The following PFKL variants were observed in gnomAD, a reference collection of about 807,000 sequenced individuals.
PFKL encodes the protein ATP-dependent 6-phosphofructokinase, liver type.
In PFKL, 74 loss-of-function variants were observed where a neutral mutation model predicts 92.1. The observed-to-expected ratio is 0.80, with a 90% CI of 0.67 to 0.97. The LOEUF (loss-of-function observed/expected upper bound fraction) is 0.97. PFKL is among the 50% of genes least tolerant of loss of function. The pLI, the probability that PFKL is intolerant of heterozygous loss-of-function variation, is 0.00. For synonymous variants in PFKL, 494 were observed against 456.4 expected (o/e 1.08, Z -1.05); for missense variants, 1,028 against 1,116.6 (o/e 0.92, Z 1.13).
In PFKL at chr21:44,323,811, G is replaced by C. The variant is rs140302361; in HGVS notation, c.1543G>C (p.Glu515Gln). The change falls in exon 16 of 22, where the codon GAG (glutamate) becomes CAG (glutamine). Residue 515 changes from glutamate (E) to glutamine (Q), a missense_variant. Glu to Gln is a conservative substitution (Grantham distance 29). Transcript: ENST00000349048. ...GCTGGTGGAGGCTCGCGGGCGCTAC[G>C]AGGAGCTCTGCATCGTCATGTGTGT... ...LQLVEARGRY[E>Q]ELCIVMCVIP... The C allele has an allele frequency of 5.6e-6, 9 of 1,612,956 alleles. No homozygotes were observed.
intron 3 of PFKL, among the ~76,000 whole-genome samples, chr21:44,311,713 G>A (rs934904099): frequency 2.0e-5 from 3 of 152,194 alleles, no homozygotes; most frequent in Non-Finnish European, 2.9e-5. Context: ...CCACGTGAGC[G>A]CACCTGGAGC....
At chr21:44,311,321 CACACACAGACATGCACACATACAG>C (rs2047039071) in intron 3 of PFKL, among the ~76,000 whole-genome samples, 1 of 136,046 alleles carries the variant, frequency 7.4e-6, no homozygotes, top group African/African-American at 3.8e-5. Flanking sequence ...CGTGCACAGA[CACACACAGACATGCACACATACAG>C]ACACACAGAC....
In PFKL at chr21:44,316,512, C is replaced by T. The variant is rs139920536; in HGVS notation, c.924C>T (p.Phe308=). The T allele has an allele frequency of 1.8e-3, 2,851 of 1,597,026 alleles. 15 individuals carry two copies. The highest frequency in any genetic ancestry group is 2.0e-3 in the Non-Finnish European group (2,363 of 1,169,768). The part of the protein sequence containing the change: ...HVQRGGTPSA[F]DRILSSKMGM... The stretch of plus-strand genomic sequence containing the variant: ...AGCGGGGAGGGACGCCCTCTGCCTT[C>T]GACCGGATCCTGGTAAGTGGCCATC... Residue 308 remains phenylalanine (F), a synonymous_variant, in exon 9 of 22, where the codon TTC becomes TTT. Coordinates refer to ENST00000349048, the MANE Select transcript of PFKL (RefSeq NM_002626.6).
intron 13 of PFKL, 69 bp downstream of exon 13, chr21:44,321,944 G>A: frequency 2.0e-6 from 3 of 1,505,540 alleles, no homozygotes; most frequent in Non-Finnish European, 2.7e-6. Flanking sequence ...CATTTCCTGT[G>A]GAAGGCCGGC....
chr21:44,305,843 T>G, intron 1 of PFKL: 2 of 1,366,738 alleles, frequency 1.5e-6, no homozygotes, highest in African/African-American at 2.9e-5. Flanking sequence ...GACTGTTTCT[T>G]TCACTGCAGT....
In PFKL at chr21:44,324,473, C is replaced by G; in HGVS notation, c.1651-18C>G. On this transcript the variant is annotated intron_variant, in intron 16 of 21. Coordinates refer to ENST00000349048, the MANE Select transcript of PFKL (RefSeq NM_002626.6). Reference sequence around the variant, plus strand: ...GGGTGGGCACGTGGAGGACCCCCGACCCCCCCTTGTCCCCCAGAGCTGTGA... The same window carrying G: ...GGGTGGGCACGTGGAGGACCCCCGAGCCCCCCTTGTCCCCCAGAGCTGTGA... 6.2e-7 allele frequency: 1 copy of G among 1,610,158 alleles called. No homozygotes were observed. Among genetic ancestry groups the G allele is most frequent in the Non-Finnish European group, 8.5e-7 (1 of 1,177,874 alleles).
Position 44,316,438 on chromosome 21 carries a change from G to A in PFKL, c.850G>A (p.Val284Ile). 6 of 1,612,074 alleles carry A rather than the reference G, an allele frequency of 3.7e-6. No individual in the cohort carries two copies. Among genetic ancestry groups the A allele is most frequent in the Non-Finnish European group, 4.2e-6 (5 of 1,179,012 alleles). The change falls in exon 9 of 22, where the codon GTT becomes ATT. Residue 284 changes from valine (V) to isoleucine (I), a missense_variant. Transcript: ENST00000349048. The part of the protein sequence containing the change: ...ISSSYVKDLV[V>I]QRLGFDTRVT... Reference sequence around the variant, plus strand: ...CCTTCCCACTGTCCTGCAGCTGGTGGTTCAGAGGCTGGGCTTCGACACCCG... The same window carrying A: ...CCTTCCCACTGTCCTGCAGCTGGTGATTCAGAGGCTGGGCTTCGACACCCG...
chr21:44,323,236 G>A (rs1386795734), intron 15 of PFKL, among the ~76,000 whole-genome samples, 187 bp downstream of exon 15: 1 of 152,142 alleles, frequency 6.6e-6, no homozygotes, highest in East Asian at 1.9e-4. Flanking sequence ...TGATGCAGGG[G>A]CCGAGAGGGT....
chr21:44,321,254 T>C (rs1055780800), intron 12 of PFKL: 2 of 152,952 alleles, frequency 1.3e-5, no homozygotes, highest in African/African-American at 4.8e-5. Context: ...ATGGATGTGG[T>C]GGGGTTTTGG....
chr21:44,314,083 G>A (rs2047132247), intron 7 of PFKL, 62 bp downstream of exon 7: 1 of 1,202,426 alleles, frequency 8.3e-7, no homozygotes, highest in Admixed American at 2.0e-5. Context: ...AGCGCCCCTG[G>A]GGTTTTGGGA....
In PFKL at chr21:44,303,441, A is replaced by AAAAAAAAAAAAAACTTGATCG. The variant is rs1555874970; in HGVS notation, c.86-3227_86-3226insCTTGATCGAAAAAAAAAAAAA. ...AAAAAAACAGACTTGACCAAAAAAAAAAAAAAAAAAAAAATGGCCCGGCCT... is the reference window on the plus strand; with the variant it reads ...AAAAAAACAGACTTGACCAAAAAAAAAAAAAAAAAAAAACTTGATCGAAAAAAAAAAAAAATGGCCCGGCCT... On this transcript the variant is annotated intron_variant, in intron 1 of 21. Transcript: ENST00000349048. 1.1e-4 allele frequency among the ~76,000 whole-genome samples: 11 copies of AAAAAAAAAAAAAACTTGATCG among 97,092 alleles called. 1 individual carries two copies. The highest frequency in any genetic ancestry group is 1.3e-4 in the Non-Finnish European group (7 of 52,092). The allele number at this position is 97,092 out of a possible 152,430, so 63.7% of individuals were successfully genotyped here.
rs558241649 is a variant in PFKL, at chr21:44,324,714, G to A, written c.1815+59G>A. On this transcript the variant is annotated intron_variant, in intron 17 of 21. Coordinates refer to ENST00000349048, the MANE Select transcript of PFKL (RefSeq NM_002626.6). ...TGCCGGCATGCCAGCCTGGGCCCCA[G>A]ACACTCAGGCCGGCCAGCGCAGGGC... The A allele has an allele frequency of 1.7e-5, 26 of 1,562,340 alleles. No individual in the cohort carries two copies. The Admixed American group carries it at 1.9e-4, about 12-fold the overall frequency.
rs200039157 is a variant in PFKL at position 44,320,038 on chromosome 21, C to T, written c.1128-46C>T. The stretch of plus-strand genomic sequence containing the variant: ...TCACGGCTGCGCTGTGGCTGTACGC[C>T]GTGGCGCTGCAGGGCTGTGCATGGT... On this transcript the variant is annotated intron_variant, in intron 11 of 21. Coordinates refer to ENST00000349048, the MANE Select transcript of PFKL (RefSeq NM_002626.6). 35 of 1,561,134 alleles carry T rather than the reference C, an allele frequency of 2.2e-5. 2 individuals carry two copies. In the East Asian group the frequency reaches 5.6e-4, roughly 25 times the overall value.
chr21:44,323,617 A>C (rs546579282), intron 15 of PFKL, 149 bp from the exon 16 acceptor site: 11 of 755,246 alleles, frequency 1.5e-5, no homozygotes, highest in Non-Finnish European at 2.1e-6. Flanking sequence ...GCCCAGCCCC[A>C]GGGGATTGAG....
chr21:44,306,846 G>A (rs929143370), intron 2 of PFKL, 92 bp downstream of exon 2: 14 of 1,169,002 alleles, frequency 1.2e-5, no homozygotes, highest in East Asian at 9.8e-5. Context: ...ACTGGGAGAC[G>A]GGGTGGTCCT....
chr21:44,306,247 C>T (rs529695899), intron 1 of PFKL, among the ~76,000 whole-genome samples: 77 of 152,286 alleles, frequency 5.1e-4, no homozygotes, highest in African/African-American at 1.8e-3. Flanking sequence ...GAGGTTGGGG[C>T]GGCGGGGTGT....
At chr21:44,318,337 T>G (rs1220108528) in intron 9 of PFKL, 133 bp from the exon 10 acceptor site, 4 of 953,066 alleles carry the variant, frequency 4.2e-6, no homozygotes, top group East Asian at 5.9e-5. Flanking sequence ...CCATCTCTGA[T>G]GCCACCTGTT....
At chr21:44,315,709 A>G (rs1468830751) in intron 7 of PFKL, 2 of 170,906 alleles carry the variant, frequency 1.2e-5, no homozygotes, top group Admixed American at 5.7e-5. Context: ...GGTGTGTCCT[A>G]TGTGCACCAG....
At chr21:44,306,778 T>C (rs2040960507) in intron 2 of PFKL, 24 bp downstream of exon 2, 2 of 1,607,246 alleles carry the variant, frequency 1.2e-6, no homozygotes, top group Admixed American at 1.7e-5. Context: ...GGGCTGTGTG[T>C]GTGCAGGGAG....
Sources: gnomAD v4.1 joint callset for allele counts (sites outside exome capture counted in the v4.1 genomes callset) on GRCh38, gnomAD v4.1.1 for gene constraint, MANE v1.5 for transcripts, NCBI Gene and HGNC (gene_info 2026-07-23, HGNC 2026-07-21) for gene names.